EPB41L3: variants seen among roughly 807,000 people sequenced by gnomAD.
EPB41L3 encodes erythrocyte membrane protein band 4.1 like 3, also known as band 4.1-like protein 3.
A neutral mutation model predicts 127.1 loss-of-function variants in EPB41L3; 57 were observed. That is an observed-to-expected ratio of 0.45 (90% CI 0.36 to 0.56). The LOEUF (loss-of-function observed/expected upper bound fraction) is 0.56. EPB41L3 is among the 20% of genes least tolerant of loss of function. The pLI, the probability that EPB41L3 is intolerant of heterozygous loss-of-function variation, is 0.00. For missense variants in EPB41L3, 1,273 were observed against 1,372.2 expected (o/e 0.93, Z 1.14); for synonymous variants, 572 against 549.5 (o/e 1.04, Z -0.57).
chr18:5,405,307 T>C (rs911992172), intron 16 of EPB41L3, among the ~76,000 whole-genome samples: 3 of 152,234 alleles, frequency 2.0e-5, no homozygotes, highest in Non-Finnish European at 4.4e-5. Flanking sequence ...CTGTGTCAGC[T>C]TCCTGAACAG....
At chr18:5,582,896 G>A (rs111341434) in intron 3 of EPB41L3, among the ~76,000 whole-genome samples, 9 of 152,190 alleles carry the variant, frequency 5.9e-5, no homozygotes, top group South Asian at 2.1e-4. Flanking sequence ...AGGCATGCCC[G>A]GGAGTGGGGG....
chr18:5,446,257 C>T (rs1256825703), intron 3 of EPB41L3, among the ~76,000 whole-genome samples: 2 of 152,000 alleles, frequency 1.3e-5, no homozygotes, highest in Non-Finnish European at 2.9e-5. Context: ...TTAAAGAATA[C>T]TTGAGTTATC....
chr18:5,394,844 G>T, intron 21 of EPB41L3, 51 bp from the exon 22 acceptor site: 1 of 1,550,482 alleles, frequency 6.4e-7, no homozygotes, highest in Non-Finnish European at 8.9e-7. Context: ...GGTGGAACAT[G>T]CATGATCAGT....
chr18:5,584,483 G>T (rs2094425463), intron 3 of EPB41L3, among the ~76,000 whole-genome samples: 1 of 152,118 alleles, frequency 6.6e-6, no homozygotes, highest in Non-Finnish European at 1.5e-5. Flanking sequence ...GTTTTATAAA[G>T]TTACTTAAGT....
chr18:5,477,426 A>G (rs1367612270), intron 3 of EPB41L3, among the ~76,000 whole-genome samples: 1 of 152,176 alleles, frequency 6.6e-6, no homozygotes, highest in Non-Finnish European at 1.5e-5. Context: ...CTTTATGACA[A>G]GGGCAGGAGC....
At chr18:5,399,622 A>G (rs558754595) in intron 16 of EPB41L3, 1 of 356,116 alleles carries the variant, frequency 2.8e-6, no homozygotes, top group East Asian at 4.2e-5. Flanking sequence ...TTAAACTGGA[A>G]CATACTTTGC....
chr18:5,466,349 C>T (rs928302655), intron 3 of EPB41L3: 2 of 152,176 alleles, frequency 1.3e-5, no homozygotes, highest in African/African-American at 4.8e-5. Flanking sequence ...TTTGTGTTAG[C>T]CAAATCCTGA....
Position 5,472,060 on chromosome 18 carries a change from T to A in EPB41L3, c.381+6181A>T, listed in dbSNP as rs575996759. ...TTCTTGATATATACACTCACATTTTTAATATTTATATTGTTTAGAATATTT... is the reference window on the plus strand; with the variant it reads ...TTCTTGATATATACACTCACATTTTAAATATTTATATTGTTTAGAATATTT... On this transcript the variant is annotated intron_variant, in intron 3 of 22. Coordinates refer to ENST00000341928, the MANE Select transcript of EPB41L3 (RefSeq NM_012307.5). Among the ~76,000 whole-genome samples, 7 of 152,300 alleles carry A rather than the reference T, an allele frequency of 4.6e-5. No homozygotes were observed. In the East Asian group the frequency reaches 1.2e-3, roughly 25 times the overall value.
At position 5,424,342 on chromosome 18, in the gene EPB41L3, G is replaced by A; in HGVS notation, c.1083C>T (p.Ser361=). The change falls in exon 10 of 23, where the codon AGC becomes AGT. Residue 361 remains serine, a synonymous_variant. Transcript: ENST00000341928. ...GGTTTGGCAGCTTAAACCCAATGGT[G>A]CTTTCAAATTGTTCAAACTAAATAA... ...IRPGEFEQFE[S]TIGFKLPNHR... is the part of the protein sequence containing the mutation. The A allele has an allele frequency of 6.2e-7, 1 of 1,602,272 alleles. No homozygotes were observed. Among genetic ancestry groups the A allele is most frequent in the Non-Finnish European group, 8.5e-7 (1 of 1,175,046 alleles).
Position 5,608,987 on chromosome 18 carries a change from T to C in EPB41L3, c.-306+3353A>G, listed in dbSNP as rs983325069. On this transcript the variant is annotated intron_variant, in intron 3 of 21. Coordinates refer to the EPB41L3 transcript ENST00000545076. ...GATTCCCAAATTACTTACACCAGAA[T>C]AGAAAATCTTACAAACACCAATGCC... Among the ~76,000 whole-genome samples, 3 of 152,222 alleles carry C rather than the reference T, an allele frequency of 2.0e-5. No individual in the cohort carries two copies. In the East Asian group the frequency reaches 5.8e-4, roughly 29 times the overall value.
At chr18:5,430,864 C>A (rs2078918064) in intron 8 of EPB41L3, among the ~76,000 whole-genome samples, 1 of 151,968 alleles carries the variant, frequency 6.6e-6, no homozygotes, top group South Asian at 2.1e-4. Context: ...CCTGAGAAAT[C>A]TTTGGTTTTA....
chr18:5,550,587 G>A (rs575609593), intron 3 of EPB41L3, among the ~76,000 whole-genome samples: 17 of 152,294 alleles, frequency 1.1e-4, no homozygotes, highest in African/African-American at 3.8e-4. Context: ...ATATGGGCCA[G>A]GCTGTTTTAT....
At chr18:5,496,542 A>G (rs1240014148) in intron 1 of EPB41L3, among the ~76,000 whole-genome samples, 3 of 152,226 alleles carry the variant, frequency 2.0e-5, no homozygotes, top group Non-Finnish European at 4.4e-5. Context: ...GTGGCAGAAG[A>G]ACCAATTCAA....
At chr18:5,434,832 A>G (rs2079525476) in intron 6 of EPB41L3, among the ~76,000 whole-genome samples, 2 of 152,204 alleles carry the variant, frequency 1.3e-5, no homozygotes, top group South Asian at 4.1e-4. Context: ...TCTATTTGTA[A>G]AAATAAAAAG....
rs1352484009 is a variant in EPB41L3, at chr18:5,416,283, C to T, written c.1602G>A (p.Glu534=). Residue 534 remains glutamate (E), a synonymous_variant, in exon 13 of 23, where the codon GAG becomes GAA. Transcript: ENST00000341928. ...CATAACCTGGCAGTTTGCAGTCATT[C>T]TCCTTACACCTCCTACGGAGCTCTG... ...SPTELRRRCK[E]NDCKLPGYEP... is the part of the protein sequence containing the mutation. 6 of 1,614,156 alleles carry T rather than the reference C, an allele frequency of 3.7e-6. No homozygotes were observed. The East Asian group carries it at 8.9e-5, about 24-fold the overall frequency.
intron 3 of EPB41L3, among the ~76,000 whole-genome samples, chr18:5,584,916 G>A (rs78042825): frequency 5.6e-4 from 85 of 152,240 alleles, no homozygotes; most frequent in African/African-American, 1.8e-3. Context: ...AGCATGAGAC[G>A]ATGACTCAGA....
chr18:5,530,837 A>C (rs1303228882), intron 1 of EPB41L3, among the ~76,000 whole-genome samples: 1 of 152,170 alleles, frequency 6.6e-6, no homozygotes, highest in Non-Finnish European at 1.5e-5. Flanking sequence ...CTTGGGAGGC[A>C]ACAATTAATT....
chr18:5,488,295 TTA>T (rs2090111315), intron 2 of EPB41L3, among the ~76,000 whole-genome samples: 1 of 152,128 alleles, frequency 6.6e-6, no homozygotes, highest in Admixed American at 6.5e-5. Flanking sequence ...ACCATCATTC[TTA>T]GCAAACTAAC....
At chr18:5,418,230 A>G (rs1368331957) in intron 12 of EPB41L3, among the ~76,000 whole-genome samples, 2 of 152,178 alleles carry the variant, frequency 1.3e-5, no homozygotes, top group African/African-American at 4.8e-5. Context: ...GACTCAGGCT[A>G]TGAGGCTGGT....
Sources: gnomAD v4.1 joint callset for allele counts (sites outside exome capture counted in the v4.1 genomes callset) on GRCh38, gnomAD v4.1.1 for gene constraint, MANE v1.5 for transcripts, NCBI Gene and HGNC (gene_info 2026-07-23, HGNC 2026-07-21) for gene names.